Variants in GATAD2A observed in about 807,000 individuals in gnomAD.
The protein encoded by GATAD2A is transcriptional repressor p66-alpha.
In GATAD2A, 12 loss-of-function variants were observed where a neutral mutation model predicts 68.5. The observed-to-expected ratio is 0.18, with a 90% confidence interval of 0.11 to 0.28. The LOEUF (loss-of-function observed/expected upper bound fraction) is 0.28, where lower values mean the gene tolerates loss of function less well. Ranked by LOEUF, GATAD2A falls within the 10% of genes least tolerant of loss-of-function variation. The pLI is 1.00. For synonymous variants in GATAD2A, 410 were observed against 375.3 expected (o/e 1.09, Z -1.07); for missense variants, 755 against 868.5 (o/e 0.87, Z 1.64).
chr19:19,456,131 G>GCGAC (rs2056903432), intron 1 of GATAD2A, among the ~76,000 whole-genome samples: 1 of 144,404 alleles, frequency 6.9e-6, no homozygotes, highest in African/African-American at 2.6e-5. Flanking sequence ...TCCAGCCTGA[G>GCGAC]CGACACAGCG....
intron 1 of GATAD2A, among the ~76,000 whole-genome samples, chr19:19,408,531 G>A (rs1568705080): frequency 6.8e-6 from 1 of 147,862 alleles, no homozygotes; most frequent in Admixed American, 6.6e-5. Flanking sequence ...TATTTTGCGT[G>A]TGTGTGTATG....
At chr19:19,406,142 G>GAA (rs1488302032) in intron 1 of GATAD2A, 123 bp downstream of exon 1, 1 of 152,038 alleles carries the variant, frequency 6.6e-6, no homozygotes. Flanking sequence ...CATGAGCGTG[G>GAA]AAAAGTGAGA....
intron 2 of GATAD2A, among the ~76,000 whole-genome samples, chr19:19,475,131 A>G (rs929027916): frequency 2.1e-4 from 32 of 152,334 alleles, no homozygotes; most frequent in African/African-American, 7.5e-4. Flanking sequence ...CCCTGCTCTC[A>G]GGACTATGCC....
intron 1 of GATAD2A, among the ~76,000 whole-genome samples, chr19:19,460,795 C>G (rs1354978491): frequency 1.3e-5 from 2 of 152,194 alleles, no homozygotes; most frequent in Admixed American, 6.5e-5. Context: ...GCTCCCCTGC[C>G]CTGCAGTCCT....
chr19:19,397,559 G>T (rs1255784515), intron 1 of GATAD2A, among the ~76,000 whole-genome samples: 1 of 152,090 alleles, frequency 6.6e-6, no homozygotes, highest in Non-Finnish European at 1.5e-5. Context: ...TTTCAATCAG[G>T]AAGCAATGAT....
At chr19:19,498,134 G>C (rs1180809949) in intron 7 of GATAD2A, among the ~76,000 whole-genome samples, 4 of 152,232 alleles carry the variant, frequency 2.6e-5, no homozygotes, top group Non-Finnish European at 5.9e-5. Flanking sequence ...CAGCCACATG[G>C]GTGCCCTCAC....
chr19:19,420,201 T>TA (rs1208484429), intron 1 of GATAD2A, among the ~76,000 whole-genome samples: 5 of 146,040 alleles, frequency 3.4e-5, no homozygotes, highest in South Asian at 2.2e-4. Flanking sequence ...TTTTTTTTTT[T>TA]AAGTAGAGAC....
chr19:19,501,480 C>A, intron 9 of GATAD2A, 64 bp downstream of exon 9: 1 of 1,274,610 alleles, frequency 7.8e-7, no homozygotes, highest in African/African-American at 1.5e-5. Context: ...GCGATCCACC[C>A]CACGCCTGCG....
intron 1 of GATAD2A, among the ~76,000 whole-genome samples, chr19:19,388,854 G>T (rs1005571632): frequency 2.6e-5 from 4 of 151,920 alleles, no homozygotes; most frequent in African/African-American, 9.7e-5. Flanking sequence ...TTTCTCTCCC[G>T]AGACCCCCTG....
At chr19:19,463,329 G>T (rs958617775) in intron 1 of GATAD2A, among the ~76,000 whole-genome samples, 2 of 152,222 alleles carry the variant, frequency 1.3e-5, no homozygotes, top group African/African-American at 4.8e-5. Flanking sequence ...GAGCAGTTCA[G>T]ATGGGGTTTA....
chr19:19,429,935 G>A (rs1174174856), intron 1 of GATAD2A, among the ~76,000 whole-genome samples: 1 of 152,064 alleles, frequency 6.6e-6, no homozygotes, highest in Non-Finnish European at 1.5e-5. Context: ...CTCAGGGACC[G>A]ACCTGAACAC....
chr19:19,433,786 T>C (rs1370197980), intron 1 of GATAD2A, among the ~76,000 whole-genome samples: 1 of 152,130 alleles, frequency 6.6e-6, no homozygotes, highest in Non-Finnish European at 1.5e-5. Flanking sequence ...ATACCCCCCC[T>C]TTTTTTGAGA....
At position 19,506,095 on chromosome 19, in the gene GATAD2A, T is replaced by C; in HGVS notation, c.*621T>C. On this transcript the variant is annotated 3_prime_UTR_variant, in exon 12 of 12. Coordinates refer to ENST00000683918, the MANE Select transcript of GATAD2A (RefSeq NM_001384528.1). ...TGTGCCCTGGAGGGTGGGCGGCTCA[T>C]GGTGCCACAGCCCCTGGCAGGGACG... 2.5e-6 allele frequency: 1 copy of C among 399,016 alleles called. No individual in the cohort carries two copies. The highest frequency in any genetic ancestry group is 4.4e-6 in the Non-Finnish European group (1 of 226,074). 24.7% of individuals were successfully genotyped at this position (399,016 alleles called of 1,614,324 possible).
intron 1 of GATAD2A, among the ~76,000 whole-genome samples, chr19:19,414,277 T>C (rs2051309842): frequency 6.6e-6 from 1 of 152,194 alleles, no homozygotes; most frequent in Non-Finnish European, 1.5e-5. Context: ...GGGACTTTCT[T>C]CTGTGTACTG....
chr19:19,507,663 T>C lies in GATAD2A; in HGVS notation c.*2189T>C, dbSNP rs1417476324. 3 of 152,226 alleles carry C rather than the reference T, an allele frequency of 2.0e-5. No homozygotes were observed. Among genetic ancestry groups the C allele is most frequent in the Admixed American group, 6.5e-5 (1 of 15,280 alleles). The allele number at this position is 152,226 out of a possible 1,614,324, so 9.4% of individuals were successfully genotyped here. On this transcript the variant is annotated 3_prime_UTR_variant, in exon 12 of 12. Coordinates refer to ENST00000683918, the MANE Select transcript of GATAD2A (RefSeq NM_001384528.1). ...CTGTCAACCCATCCTTGTGAGTTCATATGGACTGCTGCCCCTCGAAAGGGA... is the reference window on the plus strand; with the variant it reads ...CTGTCAACCCATCCTTGTGAGTTCACATGGACTGCTGCCCCTCGAAAGGGA...
chr19:19,446,856 G>T (rs1370131137), intron 1 of GATAD2A, among the ~76,000 whole-genome samples: 1 of 152,224 alleles, frequency 6.6e-6, no homozygotes, highest in Admixed American at 6.5e-5. Context: ...ACTGCATAGT[G>T]CCTGGCCAGG....
intron 2 of GATAD2A, among the ~76,000 whole-genome samples, chr19:19,488,628 A>G (rs547697498): frequency 6.6e-6 from 1 of 152,182 alleles, no homozygotes; most frequent in Non-Finnish European, 1.5e-5. Flanking sequence ...AGGAAATTCT[A>G]TGGAAGTTCC....
intron 1 of GATAD2A, among the ~76,000 whole-genome samples, chr19:19,388,370 TTCTG>T (rs1444761180): frequency 6.6e-6 from 1 of 152,164 alleles, no homozygotes; most frequent in South Asian, 2.1e-4. Context: ...CTTCTCCTCT[TTCTG>T]TCTGTGGCAC....
chr19:19,505,723 C>CCTTTCTCT lies in GATAD2A; in HGVS notation c.*254_*261dup, dbSNP rs1472919865. 2.1e-6 allele frequency: 1 copy of CCTTTCTCT among 473,848 alleles called. No homozygotes were observed. The highest frequency in any genetic ancestry group is 3.7e-6 in the Non-Finnish European group (1 of 271,668). The allele number at this position is 473,848 out of a possible 1,614,324, so 29.4% of individuals were successfully genotyped here. A position where few individuals can be genotyped will look rare whatever the true frequency, so the allele number is the denominator to read the frequency against. Reference sequence around the variant, plus strand: ...GGGGACCTTTCCCGTGGGCTTTCTTCCTTTCTCTCTTTGCCTTTAGTTTGC... The same window carrying CCTTTCTCT: ...GGGGACCTTTCCCGTGGGCTTTCTTCCTTTCTCTCTTTCTCTCTTTGCCTTTAGTTTGC... On this transcript the variant is annotated 3_prime_UTR_variant, in exon 12 of 12. Transcript: ENST00000683918.
Sources: gnomAD v4.1 joint callset for allele counts (sites outside exome capture counted in the v4.1 genomes callset) on GRCh38, gnomAD v4.1.1 for gene constraint, MANE v1.5 for transcripts, NCBI Gene and HGNC (gene_info 2026-07-23, HGNC 2026-07-21) for gene names.